The following LPGAT1 variants were observed in gnomAD, a reference collection of about 807,000 sequenced individuals.
LPGAT1 encodes lysophosphatidylglycerol acyltransferase 1.
In LPGAT1, 11 loss-of-function variants were observed where a neutral mutation model predicts 47.5. That is an observed-to-expected ratio of 0.23 (90% confidence interval 0.15 to 0.38). LPGAT1 has a LOEUF of 0.38. Among genes scored for constraint, LPGAT1 ranks in the 10% least tolerant of loss-of-function variants. The pLI, the probability that LPGAT1 is intolerant of heterozygous loss-of-function variation, is 1.00. For missense variants in LPGAT1, 293 were observed against 439.0 expected, an observed-to-expected ratio of 0.67 and a Z score of 2.97; for synonymous variants, 138 against 144.2, an observed-to-expected ratio of 0.96 and a Z score of 0.31.
intron 5 of LPGAT1, among the ~76,000 whole-genome samples, chr1:211,780,799 CA>C (rs1323685671): frequency 2.0e-5 from 3 of 151,928 alleles, no homozygotes; most frequent in Admixed American, 2.0e-4. Flanking sequence ...ATGAAACAAC[CA>C]AGATGGATTA....
rs1342980238 is a variant in LPGAT1 at position 211,743,839 on chromosome 1, G to GT, written c.*6059dup. The GT allele has an allele frequency of 6.6e-6, 1 of 152,156 alleles. No homozygotes were observed. The highest frequency in any genetic ancestry group is 2.4e-5 in the African/African-American group (1 of 41,410). 9.4% of individuals were successfully genotyped at this position (152,156 alleles called of 1,614,324 possible). A position where few individuals can be genotyped will look rare whatever the true frequency, so the allele number is the denominator to read the frequency against. On this transcript the variant is annotated 3_prime_UTR_variant, in exon 8 of 8. Coordinates refer to ENST00000366997, the MANE Select transcript of LPGAT1 (RefSeq NM_014873.3). Reference sequence around the variant, plus strand: ...AGAAAAATAAGAGGTAGACACGACTGTAACGATTTAACTCATTTGGTAGAC... The same window carrying GT: ...AGAAAAATAAGAGGTAGACACGACTGTTAACGATTTAACTCATTTGGTAGAC...
intron 2 of LPGAT1, among the ~76,000 whole-genome samples, chr1:211,815,467 C>A (rs1042112733): frequency 2.6e-5 from 4 of 152,150 alleles, no homozygotes; most frequent in Non-Finnish European, 5.9e-5. Flanking sequence ...CAACCATCAC[C>A]CTCACCTGAT....
At chr1:211,776,354 T>C (rs560650897) in intron 6 of LPGAT1, among the ~76,000 whole-genome samples, 1 of 152,192 alleles carries the variant, frequency 6.6e-6, no homozygotes, top group East Asian at 1.9e-4. Context: ...CTGGCCAACA[T>C]GGTGAAACCC....
chr1:211,773,505 T>C (rs1658262349), intron 6 of LPGAT1, among the ~76,000 whole-genome samples: 1 of 152,216 alleles, frequency 6.6e-6, no homozygotes, highest in South Asian at 2.1e-4. Flanking sequence ...CCTCTGCTTT[T>C]AGTAATCTAT....
chr1:211,829,463 C>G, intron 1 of LPGAT1, 140 bp from the exon 2 acceptor site: 2 of 1,444,610 alleles, frequency 1.4e-6, no homozygotes, highest in Non-Finnish European at 1.8e-6. Flanking sequence ...GGTGATCTCT[C>G]AGGGGAAATT....
chr1:211,783,221 C>T lies in LPGAT1; in HGVS notation c.727+8G>A. 1 of 1,596,126 alleles carries T rather than the reference C, an allele frequency of 6.3e-7. No homozygotes were observed. Among genetic ancestry groups the T allele is most frequent in the Non-Finnish European group, 8.6e-7 (1 of 1,167,658 alleles). On this transcript the variant is annotated splice_region_variant and intron_variant, in intron 5 of 7. Coordinates refer to ENST00000366997, the MANE Select transcript of LPGAT1 (RefSeq NM_014873.3). ...CAACAAGGTAAAAAATGCTAAAAAC[C>T]ATCATACCTAATTCTTTAGCATCTC...
intron 6 of LPGAT1, among the ~76,000 whole-genome samples, chr1:211,752,769 C>T (rs978662009): frequency 6.6e-6 from 1 of 152,228 alleles, no homozygotes; most frequent in Admixed American, 6.5e-5. Flanking sequence ...CCCCAAACTT[C>T]TACACTTTGG....
At chr1:211,792,442 G>A (rs897704186) in intron 3 of LPGAT1, 1 of 151,868 alleles carries the variant, frequency 6.6e-6, no homozygotes, top group African/African-American at 2.4e-5. Context: ...TTTCAAACTA[G>A]CAATCCACTG....
chr1:211,795,646 CCTGAGCCA>C (rs933304246), intron 2 of LPGAT1, among the ~76,000 whole-genome samples: 2 of 152,152 alleles, frequency 1.3e-5, no homozygotes, highest in African/African-American at 4.8e-5. Context: ...AGACTACAGG[CCTGAGCCA>C]CCGCGCCCAG....
intron 6 of LPGAT1, among the ~76,000 whole-genome samples, chr1:211,754,239 C>A (rs1432154658): frequency 2.0e-5 from 3 of 152,162 alleles, no homozygotes; most frequent in Non-Finnish European, 2.9e-5. Context: ...GATCTGCATT[C>A]TTCTTAGATT....
At chr1:211,795,036 G>C (rs1273998903) in intron 2 of LPGAT1, among the ~76,000 whole-genome samples, 1 of 152,132 alleles carries the variant, frequency 6.6e-6, no homozygotes, top group African/African-American at 2.4e-5. Context: ...GGTTGCCAGG[G>C]GCTGGGGGAG....
intron 6 of LPGAT1, among the ~76,000 whole-genome samples, chr1:211,757,209 G>A (rs1476399091): frequency 6.6e-6 from 1 of 150,920 alleles, no homozygotes; most frequent in Non-Finnish European, 1.5e-5. Context: ...AGCCGAGATC[G>A]TACCACTGTA....
Position 211,830,635 on chromosome 1 carries a change from C to T in LPGAT1, c.-90G>A, listed in dbSNP as rs893483141. On this transcript the variant is annotated 5_prime_UTR_variant, in exon 1 of 8. Coordinates refer to ENST00000366997, the MANE Select transcript of LPGAT1 (RefSeq NM_014873.3). The surrounding 1 kb of genome is among the most constrained non-coding windows in gnomAD (Gnocchi z 5.9). ...CAGAGGAGCCGGAAGAATGCATGGC[C>T]GGCGGCGGGGCCGGCGGAAGAAGGC... The T allele has an allele frequency of 3.3e-6, 4 of 1,204,800 alleles. No individual in the cohort carries two copies. Among genetic ancestry groups the T allele is most frequent in the African/African-American group, 1.6e-5 (1 of 63,186 alleles). 74.6% of individuals were successfully genotyped at this position (1,204,800 alleles called of 1,614,324 possible).
intron 1 of LPGAT1, chr1:211,829,617 C>A: frequency 8.5e-7 from 1 of 1,169,836 alleles, no homozygotes; most frequent in Admixed American, 4.2e-5. Flanking sequence ...CGCACCGTGT[C>A]TCACTGCGGT....
chr1:211,829,654 C>T lies in LPGAT1; in HGVS notation c.-27-331G>A, dbSNP rs1377250709. On this transcript the variant is annotated intron_variant, in intron 1 of 7. Transcript: ENST00000366997. ...GTCTATTGGACTTAGAAAAATAGATCCACTCGCTTCAGACAACCTCAGGAT... is the reference window on the plus strand; with the variant it reads ...GTCTATTGGACTTAGAAAAATAGATTCACTCGCTTCAGACAACCTCAGGAT... 3 of 1,081,696 alleles carry T rather than the reference C, an allele frequency of 2.8e-6. No individual in the cohort carries two copies. In the East Asian group the frequency reaches 2.1e-4, roughly 76 times the overall value. 67.0% of individuals were successfully genotyped at this position (1,081,696 alleles called of 1,614,324 possible). A position where few individuals can be genotyped will look rare whatever the true frequency, so the allele number is the denominator to read the frequency against.
intron 6 of LPGAT1, among the ~76,000 whole-genome samples, chr1:211,761,580 C>T (rs548327003): frequency 6.6e-6 from 1 of 152,192 alleles, no homozygotes; most frequent in East Asian, 1.9e-4. Context: ...GAGCTTGAAT[C>T]ACCAGATTAA....
At chr1:211,770,625 G>C (rs1658126989) in intron 6 of LPGAT1, among the ~76,000 whole-genome samples, 1 of 152,044 alleles carries the variant, frequency 6.6e-6, no homozygotes, top group African/African-American at 2.4e-5. Flanking sequence ...TAATGCCATA[G>C]CACAATTACT....
In LPGAT1 at chr1:211,826,384, C is replaced by A. The variant is rs534871950; in HGVS notation, c.238+2675G>T. On this transcript the variant is annotated intron_variant, in intron 2 of 7. Transcript: ENST00000366997. ...AAGAAAACCATGCTTACTATATCAG[C>A]TTTGTCCAGTAGTACTTGCTGTGAT... Among the ~76,000 whole-genome samples, 4 of 152,246 alleles carry A rather than the reference C, an allele frequency of 2.6e-5. No homozygotes were observed. The East Asian group carries it at 7.7e-4, about 29-fold the overall frequency.
chr1:211,822,391 G>A (rs906647337), intron 2 of LPGAT1, among the ~76,000 whole-genome samples: 2 of 152,068 alleles, frequency 1.3e-5, no homozygotes, highest in Non-Finnish European at 2.9e-5. Flanking sequence ...CTACCACAGG[G>A]ATGGAGAAGA....
Sources: gnomAD v4.1 joint callset for allele counts (sites outside exome capture counted in the v4.1 genomes callset) on GRCh38, gnomAD v4.1.1 for gene constraint, Gnocchi (gnomAD v3.1) non-coding constraint, MANE v1.5 for transcripts, NCBI Gene and HGNC (gene_info 2026-07-23, HGNC 2026-07-21) for gene names.